Variants in SULT1B1 observed in about 807,000 individuals in gnomAD.
SULT1B1 encodes the protein sulfotransferase 1B1.
SULT1B1 carries 28 observed loss-of-function variants against 34.6 expected under a neutral mutation model. The observed-to-expected ratio is 0.81, with a 90% confidence interval of 0.60 to 1.11. The LOEUF is 1.11. Among genes scored for constraint, SULT1B1 ranks in the 50% least tolerant of loss-of-function variants. The pLI is 0.00. For missense variants in SULT1B1, 374 were observed against 352.2 expected (o/e 1.06, Z -0.50); for synonymous variants, 147 against 110.2 (o/e 1.33, Z -2.09).
Position 69,751,843 on chromosome 4 carries a change from A to C in SULT1B1, c.278-2025T>G, listed in dbSNP as rs564957566. On this transcript the variant is annotated intron_variant, in intron 3 of 7. Transcript: ENST00000310613. ...GCAATGCTGCATATCCTCCCTCTCT[A>C]TCCCCAATCCTGCCTTCCATCTGTT... Among the ~76,000 whole-genome samples, 87 of 152,196 alleles carry C rather than the reference A, an allele frequency of 5.7e-4. 1 individual carries two copies. The highest frequency in any genetic ancestry group is 1.1e-3 in the Non-Finnish European group (73 of 68,004).
Position 69,722,526 on chromosome 4 carries a change from T to G in SULT1B1, c.*4562A>C, listed in dbSNP as rs763463231. 2.6e-5 allele frequency: 4 copies of G among 152,108 alleles called. No homozygotes were observed. The highest frequency in any genetic ancestry group is 9.7e-5 in the African/African-American group (4 of 41,434). The allele number at this position is 152,108 out of a possible 1,614,324, so 9.4% of individuals were successfully genotyped here. A position where few individuals can be genotyped will look rare whatever the true frequency, so the allele number is the denominator to read the frequency against. On this transcript the variant is annotated 3_prime_UTR_variant, in exon 8 of 8. Coordinates refer to ENST00000310613, the MANE Select transcript of SULT1B1 (RefSeq NM_014465.4). ...ACTAGTTCACAATACCTTTAGATAGTCAAGATTAACTCCTATAAAATATGT... is the reference window on the plus strand; with the variant it reads ...ACTAGTTCACAATACCTTTAGATAGGCAAGATTAACTCCTATAAAATATGT...
intron 1 of SULT1B1, chr4:69,758,191 G>T: frequency 1.9e-6 from 1 of 517,228 alleles, no homozygotes; most frequent in Non-Finnish European, 2.5e-6. Context: ...GTCAGCAGAA[G>T]GAGGAAGTTG....
chr4:69,729,622 C>T (rs1055392493), intron 7 of SULT1B1, among the ~76,000 whole-genome samples: 5 of 151,960 alleles, frequency 3.3e-5, no homozygotes, highest in African/African-American at 1.2e-4. Flanking sequence ...TATTTGCTAC[C>T]TTAATAAGTT....
In SULT1B1 at chr4:69,723,938, G is replaced by C. The variant is rs1717728768; in HGVS notation, c.*3150C>G. 1.3e-5 allele frequency: 2 copies of C among 152,276 alleles called. No homozygotes were observed. Among genetic ancestry groups the C allele is most frequent in the South Asian group, 4.1e-4 (2 of 4,836 alleles). The allele number at this position is 152,276 out of a possible 1,614,324, so 9.4% of individuals were successfully genotyped here. ...ATATCATACTGCATGGGCAAAACCT[G>C]GAAGCATTCCCTTTGAAAACTGGCA... is the stretch of plus-strand genomic sequence containing the variant. On this transcript the variant is annotated 3_prime_UTR_variant, in exon 8 of 8. Coordinates refer to ENST00000310613, the MANE Select transcript of SULT1B1 (RefSeq NM_014465.4).
At chr4:69,731,011 T>C (rs1380021959) in intron 6 of SULT1B1, among the ~76,000 whole-genome samples, 1 of 152,156 alleles carries the variant, frequency 6.6e-6, no homozygotes, top group Non-Finnish European at 1.5e-5. Context: ...GGAAAACATA[T>C]AGATGGACAG....
At chr4:69,754,377 ACTAAT>A (rs1719105474) in intron 3 of SULT1B1, among the ~76,000 whole-genome samples, 1 of 152,202 alleles carries the variant, frequency 6.6e-6, no homozygotes, top group African/African-American at 2.4e-5. Flanking sequence ...TTAGGAACTT[ACTAAT>A]CTAATCAGAC....
At chr4:69,736,655 A>G (rs1158983186) in intron 4 of SULT1B1, among the ~76,000 whole-genome samples, 2 of 152,216 alleles carry the variant, frequency 1.3e-5, no homozygotes, top group African/African-American at 4.8e-5. Context: ...TTATATTTGT[A>G]AAGTTAAATA....
chr4:69,739,306 C>G (rs1718446172), intron 4 of SULT1B1, among the ~76,000 whole-genome samples: 3 of 152,216 alleles, frequency 2.0e-5, no homozygotes, highest in African/African-American at 7.2e-5. Flanking sequence ...ATGAAGCACA[C>G]CTCTGCCTGG....
At chr4:69,753,129 T>C (rs574827015) in intron 3 of SULT1B1, among the ~76,000 whole-genome samples, 4 of 152,318 alleles carry the variant, frequency 2.6e-5, no homozygotes, top group Non-Finnish European at 4.4e-5. Flanking sequence ...TTTTAATTCA[T>C]TATAATTTTC....
Position 69,755,170 on chromosome 4 carries a change from A to G in SULT1B1, c.48T>C (p.His16=), listed in dbSNP as rs778810785. Residue 16 remains histidine (H), a synonymous_variant, in exon 2 of 8, where the codon CAT becomes CAC. Transcript: ENST00000310613. Reference sequence around the variant, plus strand: ...CAAAAGCACAGGTCATGGGATAACCATGGACCAACTTCAGATCTTTTCGCA... The same window carrying G: ...CAAAAGCACAGGTCATGGGATAACCGTGGACCAACTTCAGATCTTTTCGCA... ...DILRKDLKLV[H]GYPMTCAFAS... is the part of the protein sequence containing the mutation. The G allele has an allele frequency of 5.2e-5, 84 of 1,613,734 alleles. No individual in the cohort carries two copies. The highest frequency in any genetic ancestry group is 6.4e-5 in the Non-Finnish European group (75 of 1,179,718).
rs1419093091 is a variant in SULT1B1, at chr4:69,741,827, A to C, written c.376-7563T>G. Among the ~76,000 whole-genome samples the C allele has an allele frequency of 2.6e-5, 4 of 152,360 alleles. No individual in the cohort carries two copies. The Middle Eastern group carries it at 0.01, about 389-fold the overall frequency. ...AGCTAAAAAATCATATTGACTATGA[A>C]GAGAAATAATGTGACTTCCTCTCTT... On this transcript the variant is annotated intron_variant, in intron 4 of 7. Coordinates refer to ENST00000310613, the MANE Select transcript of SULT1B1 (RefSeq NM_014465.4).
chr4:69,727,819 T>A (rs1192986457), intron 7 of SULT1B1, among the ~76,000 whole-genome samples: 1 of 152,026 alleles, frequency 6.6e-6, no homozygotes, highest in Non-Finnish European at 1.5e-5. Flanking sequence ...AGTAAATCTT[T>A]GAGGATAAAA....
At chr4:69,746,009 C>A (rs1718733975) in intron 4 of SULT1B1, among the ~76,000 whole-genome samples, 1 of 152,166 alleles carries the variant, frequency 6.6e-6, no homozygotes, top group Non-Finnish European at 1.5e-5. Flanking sequence ...AATTTCCTTT[C>A]TTTAGGAATA....
intron 4 of SULT1B1, among the ~76,000 whole-genome samples, chr4:69,738,900 AC>A (rs1308370594): frequency 6.6e-6 from 1 of 151,982 alleles, no homozygotes; most frequent in African/African-American, 2.4e-5. Context: ...AATGGTTGAA[AC>A]AAAAGGGGCT....
intron 4 of SULT1B1, 121 bp downstream of exon 4, chr4:69,749,600 A>G (rs1718892744): frequency 3.2e-6 from 2 of 625,308 alleles, no homozygotes; most frequent in Admixed American, 2.6e-5. Context: ...GTGAGTGGGT[A>G]TAGTATAGAT....
chr4:69,730,076 C>A (rs969027279), intron 7 of SULT1B1, among the ~76,000 whole-genome samples: 1 of 151,964 alleles, frequency 6.6e-6, no homozygotes, highest in Non-Finnish European at 1.5e-5. Context: ...ATTTTTAATA[C>A]AATTACCATG....
chr4:69,758,575 C>T lies in SULT1B1; in HGVS notation c.-45+1884G>A, dbSNP rs965881908. 28 of 640,524 alleles carry T rather than the reference C, an allele frequency of 4.4e-5. No individual in the cohort carries two copies. In the African/African-American group the frequency reaches 4.8e-4, roughly 11 times the overall value. The allele number at this position is 640,524 out of a possible 1,614,324, so 39.7% of individuals were successfully genotyped here. A position where few individuals can be genotyped will look rare whatever the true frequency, so the allele number is the denominator to read the frequency against. The stretch of plus-strand genomic sequence containing the variant: ...GAAAAATAAATGAGTCTCTATTCAT[C>T]GGCTCCAGAATGTAATGTTTAGTAG... On this transcript the variant is annotated intron_variant, in intron 1 of 7. Coordinates refer to ENST00000310613, the MANE Select transcript of SULT1B1 (RefSeq NM_014465.4).
At chr4:69,750,829 T>C (rs1309590596) in intron 3 of SULT1B1, among the ~76,000 whole-genome samples, 2 of 152,174 alleles carry the variant, frequency 1.3e-5, no homozygotes, top group African/African-American at 4.8e-5. Flanking sequence ...ATGTAACTTG[T>C]TTTGTTCATA....
intron 1 of SULT1B1, among the ~76,000 whole-genome samples, chr4:69,758,702 T>C (rs1177776126): frequency 6.6e-5 from 10 of 152,204 alleles, no homozygotes; most frequent in Non-Finnish European, 1.5e-5. Context: ...CTGCTAAAAT[T>C]ATATAGACAA....
Sources: allele counts gnomAD v4.1 joint callset (sites outside exome capture counted in the v4.1 genomes callset), GRCh38; gene constraint gnomAD v4.1.1; transcripts MANE v1.5; gene names NCBI Gene and HGNC (gene_info 2026-07-23, HGNC 2026-07-21).